TGFBR3: variants seen among roughly 807,000 people sequenced by gnomAD.
TGFBR3 encodes the protein transforming growth factor beta receptor 3, also known as transforming growth factor beta receptor type 3.
Under a neutral mutation model 87.9 loss-of-function variants are expected in TGFBR3, and 46 were observed. The ratio of observed to expected loss-of-function variants is 0.52; its 90% confidence interval spans 0.41 to 0.67. The LOEUF (loss-of-function observed/expected upper bound fraction) is 0.67. Among genes scored for constraint, TGFBR3 ranks in the 30% least tolerant of loss-of-function variants. The pLI, the probability that TGFBR3 is intolerant of heterozygous loss-of-function variation, is 0.00. For synonymous variants in TGFBR3, 381 were observed against 391.6 expected (o/e 0.97, Z 0.32); for missense variants, 866 against 1,041.9 (o/e 0.83, Z 2.32).
chr1:91,842,670 G>T (rs1425913986), intron 2 of TGFBR3, among the ~76,000 whole-genome samples: 1 of 152,122 alleles, frequency 6.6e-6, no homozygotes, highest in East Asian at 1.9e-4. Context: ...CCATAATAAG[G>T]TTGTTCTAGC....
Position 91,681,525 on chromosome 1 carries a change from G to A in TGFBR3, c.*2214C>T. 1 of 347,772 alleles carries A rather than the reference G, an allele frequency of 2.9e-6. No homozygotes were observed. The highest frequency in any genetic ancestry group is 5.4e-6 in the Non-Finnish European group (1 of 183,566). 21.5% of individuals were successfully genotyped at this position (347,772 alleles called of 1,614,324 possible). On this transcript the variant is annotated 3_prime_UTR_variant, in exon 17 of 17. Transcript: ENST00000212355. ...ATATATATTTAAATATATTACAGAAGGTTTTAACCCTGTCCTTCTAAGACA... is the reference window on the plus strand; with the variant it reads ...ATATATATTTAAATATATTACAGAAAGTTTTAACCCTGTCCTTCTAAGACA...
At chr1:91,814,722 T>C (rs962861404) in intron 2 of TGFBR3, among the ~76,000 whole-genome samples, 7 of 152,168 alleles carry the variant, frequency 4.6e-5, no homozygotes, top group African/African-American at 1.7e-4. Flanking sequence ...AACTTAGGAA[T>C]ATTAAAGACA....
At chr1:91,875,326 C>A (rs1217153475) in intron 1 of TGFBR3, among the ~76,000 whole-genome samples, 1 of 152,018 alleles carries the variant, frequency 6.6e-6, no homozygotes, top group Non-Finnish European at 1.5e-5. Flanking sequence ...CAGAAGGTGA[C>A]ACTGTGGAGG....
Position 91,842,831 on chromosome 1 carries a change from G to A in TGFBR3, c.61+18640C>T, listed in dbSNP as rs961657063. Among the ~76,000 whole-genome samples the A allele has an allele frequency of 5.1e-4, 78 of 152,134 alleles. 1 individual carries two copies. The highest frequency in any genetic ancestry group is 1.8e-3 in the African/African-American group (73 of 41,400). On this transcript the variant is annotated intron_variant, in intron 2 of 16. Transcript: ENST00000212355. Reference sequence around the variant, plus strand: ...AGGAATAGGTATAATTAGCAGTATTGTATAGATAAGGCAACAAAAGCTCTG... The same window carrying A: ...AGGAATAGGTATAATTAGCAGTATTATATAGATAAGGCAACAAAAGCTCTG...
intron 3 of TGFBR3, among the ~76,000 whole-genome samples, chr1:91,764,580 C>T (rs1674103294): frequency 6.6e-6 from 1 of 152,018 alleles, no homozygotes; most frequent in African/African-American, 2.4e-5. Context: ...CCCCCGGCTG[C>T]GGAGAAGAGA....
At chr1:91,705,695 G>A (rs577834982) in intron 14 of TGFBR3, among the ~76,000 whole-genome samples, 15 of 152,298 alleles carry the variant, frequency 9.8e-5, no homozygotes, top group Admixed American at 3.9e-4. Context: ...CCCAGTAAGC[G>A]CAAAGTTAGA....
chr1:91,855,853 C>CT (rs965954694), intron 2 of TGFBR3, among the ~76,000 whole-genome samples: 15 of 150,794 alleles, frequency 9.9e-5, no homozygotes, highest in African/African-American at 1.5e-4. Flanking sequence ...TAGATAATTT[C>CT]TTTTTTTTTC....
intron 2 of TGFBR3, among the ~76,000 whole-genome samples, chr1:91,895,493 T>A (rs905835575): frequency 6.6e-6 from 1 of 152,154 alleles, no homozygotes; most frequent in Non-Finnish European, 1.5e-5. Context: ...GGTATTTCTT[T>A]ATTTTTTTAG....
At position 91,794,162 on chromosome 1, in the gene TGFBR3, T is replaced by G. The variant is rs116663740; in HGVS notation, c.246+3125A>C. ...AGTTTTTAGTATATTCACAGAATTG[T>G]GCAACCATTAAAATTTTAGAACATT... On this transcript the variant is annotated intron_variant, in intron 3 of 16. Transcript: ENST00000212355. Among the ~76,000 whole-genome samples the G allele has an allele frequency of 9.8e-3, 1,492 of 151,934 alleles. 26 individuals are homozygous for G. The highest frequency in any genetic ancestry group is 0.035 in the African/African-American group (1,432 of 41,410).
intron 12 of TGFBR3, among the ~76,000 whole-genome samples, chr1:91,713,003 G>C (rs1310331106): frequency 1.3e-5 from 2 of 152,150 alleles, no homozygotes; most frequent in Admixed American, 1.3e-4. Context: ...TTTAACCTAG[G>C]CAGGAAGACT....
At chr1:91,708,517 T>C (rs1485326117) in intron 14 of TGFBR3, 146 bp downstream of exon 14, 2 of 1,248,162 alleles carry the variant, frequency 1.6e-6, no homozygotes, top group Non-Finnish European at 1.2e-6. Flanking sequence ...AAGAAAAGAC[T>C]CTTCGGGCAA....
chr1:91,686,909 CCTTG>C (rs1188889610), intron 16 of TGFBR3, among the ~76,000 whole-genome samples: 1 of 152,152 alleles, frequency 6.6e-6, no homozygotes, highest in Non-Finnish European at 1.5e-5. Flanking sequence ...AAGGAGGGCG[CCTTG>C]CTTGTAAATA....
rs912410230 is a variant in TGFBR3, at chr1:91,797,350, T to C, written c.183A>G (p.Pro61=). 3 of 1,614,110 alleles carry C rather than the reference T, an allele frequency of 1.9e-6. No individual in the cohort carries two copies. In the African/African-American group the frequency reaches 4.0e-5, roughly 22 times the overall value. The stretch of plus-strand genomic sequence containing the variant: ...GGAGATTCAGGACATGCACCTCCTG[T>C]GGCAGCCCAGTTGTGCCTCTGCTGG... ...GCASRGTTGL[P]QEVHVLNLRT... is the part of the protein sequence containing the mutation. Residue 61 remains proline, a synonymous_variant, in exon 3 of 17, where the codon CCA becomes CCG. Transcript: ENST00000212355.
chr1:91,727,588 C>A (rs888738437), intron 7 of TGFBR3, 71 bp downstream of exon 7: 86 of 1,585,074 alleles, frequency 5.4e-5, no homozygotes, highest in Admixed American at 1.3e-4. Context: ...TTAAAAATAA[C>A]ACTTATAAAG....
intron 2 of TGFBR3, among the ~76,000 whole-genome samples, chr1:91,832,930 C>T (rs1398241910): frequency 6.6e-6 from 1 of 151,682 alleles, no homozygotes; most frequent in African/African-American, 2.4e-5. Flanking sequence ...ATCACTTGAA[C>T]CCGGGAGGTG....
intron 1 of TGFBR3, among the ~76,000 whole-genome samples, chr1:91,879,290 A>G (rs1447574176): frequency 6.6e-6 from 1 of 152,112 alleles, no homozygotes; most frequent in African/African-American, 2.4e-5. Context: ...TAACCATTAA[A>G]ATCTAATTCT....
intron 4 of TGFBR3, among the ~76,000 whole-genome samples, chr1:91,738,529 T>C (rs1673042900): frequency 6.6e-6 from 1 of 152,214 alleles, no homozygotes; most frequent in Non-Finnish European, 1.5e-5. Flanking sequence ...GTTCTCTCTC[T>C]TGCTCCTGCT....
intron 3 of TGFBR3, among the ~76,000 whole-genome samples, chr1:91,767,887 GAAA>G (rs56335404): frequency 7.1e-6 from 1 of 140,564 alleles, no homozygotes. Flanking sequence ...TTGGATCACA[GAAA>G]AAAAAAAAAA....
At chr1:91,780,551 CTTTTT>C (rs60294904) in intron 3 of TGFBR3, among the ~76,000 whole-genome samples, 4 of 77,164 alleles carry the variant, frequency 5.2e-5, no homozygotes, top group Admixed American at 1.8e-4. Context: ...GGGTCTAAGG[CTTTTT>C]TTTTTTTTTT....
Sources: allele counts gnomAD v4.1 joint callset (sites outside exome capture counted in the v4.1 genomes callset), GRCh38; gene constraint gnomAD v4.1.1; transcripts MANE v1.5; gene names NCBI Gene and HGNC (gene_info 2026-07-23, HGNC 2026-07-21).